BCL2L13: variants seen among roughly 807,000 people sequenced by gnomAD.
The protein encoded by BCL2L13 is BCL2 like 13.
In BCL2L13, 13 loss-of-function variants were observed where a neutral mutation model predicts 25.8. The ratio of observed to expected loss-of-function variants is 0.50; its 90% CI spans 0.33 to 0.80. The LOEUF is 0.80. Among genes scored for constraint, BCL2L13 ranks in the 30% least tolerant of loss-of-function variants. The pLI is 0.02. For missense variants in BCL2L13, 504 were observed against 574.9 expected (o/e 0.88, Z 1.26); for synonymous variants, 244 against 230.3 (o/e 1.06, Z -0.54).
At chr22:17,652,537 C>T (rs2058722478) in intron 1 of BCL2L13, among the ~76,000 whole-genome samples, 1 of 152,070 alleles carries the variant, frequency 6.6e-6, no homozygotes. Context: ...CTCCTGGGTT[C>T]AAGCAATTCT....
At chr22:17,705,384 G>A (rs1222739417) in intron 6 of BCL2L13, among the ~76,000 whole-genome samples, 1 of 148,646 alleles carries the variant, frequency 6.7e-6, no homozygotes, top group Non-Finnish European at 1.5e-5. Context: ...TGCAAGCTCC[G>A]CCTCCCAGGT....
rs2059296720 is a variant in BCL2L13 at position 17,668,179 on chromosome 22, T to G, written c.121+12347T>G. On this transcript the variant is annotated intron_variant, in intron 2 of 6. Coordinates refer to ENST00000317582, the MANE Select transcript of BCL2L13 (RefSeq NM_015367.4). ...GCGCACACCACGATGCCAGGCTAATTTTTTGTGTTTTTAGTAGAGATGGGG... is the reference window on the plus strand; with the variant it reads ...GCGCACACCACGATGCCAGGCTAATGTTTTGTGTTTTTAGTAGAGATGGGG... Among the ~76,000 whole-genome samples the G allele has an allele frequency of 2.7e-5, 4 of 150,558 alleles. No individual in the cohort carries two copies. The South Asian group carries it at 6.3e-4, about 24-fold the overall frequency.
chr22:17,715,146 ATATATATATATATATATATATATATTTTT>A (rs1269284248), intron 6 of BCL2L13, among the ~76,000 whole-genome samples: 167 of 8,148 alleles, frequency 0.02, 3 homozygotes, highest in Non-Finnish European at 0.027. Context: ...ATATATATAT[ATATATATATATATATATATATATATTTTT>A]TTTTTTTTTT....
chr22:17,655,798 G>A lies in BCL2L13; in HGVS notation c.87G>A (p.Glu29=). The change falls in exon 2 of 7, where the codon GAG becomes GAA. Residue 29 remains glutamate, a synonymous_variant. Coordinates refer to ENST00000317582, the MANE Select transcript of BCL2L13 (RefSeq NM_015367.4). ...GCTACTTGGGACTCCTCTCTCAAGA[G>A]AAGCTGCAAGAGCAACATCTTTCCT... The part of the protein sequence containing the change: ...VLSYLGLLSQ[E]KLQEQHLSSP... The A allele has an allele frequency of 6.2e-7, 1 of 1,613,748 alleles. No homozygotes were observed. Among genetic ancestry groups the A allele is most frequent in the South Asian group, 1.1e-5 (1 of 91,008 alleles).
chr22:17,653,389 G>A (rs1380384528), intron 1 of BCL2L13, among the ~76,000 whole-genome samples: 1 of 151,356 alleles, frequency 6.6e-6, no homozygotes, highest in Non-Finnish European at 1.5e-5. Flanking sequence ...CTGTTCCTAT[G>A]CTAGTTCATG....
chr22:17,696,633 C>T (rs5992095), intron 5 of BCL2L13, among the ~76,000 whole-genome samples: 27,190 of 152,026 alleles, frequency 0.18, 3,252 homozygotes, highest in African/African-American at 0.33. Flanking sequence ...GTGTCACATA[C>T]CATTTGAGCA....
At chr22:17,631,795 C>T (rs1462065140) in intron 1 of BCL2L13, among the ~76,000 whole-genome samples, 3 of 140,066 alleles carry the variant, frequency 2.1e-5, no homozygotes, top group Non-Finnish European at 3.0e-5. Context: ...AGTCTCAGCT[C>T]ACTGCAACTT....
In BCL2L13 at chr22:17,642,156, G is replaced by A. The variant is rs189588666; in HGVS notation, c.-51+3270G>A. Among the ~76,000 whole-genome samples the A allele has an allele frequency of 5.3e-3, 711 of 135,016 alleles. 4 individuals are homozygous for A. The highest frequency in any genetic ancestry group is 0.011 in the South Asian group (47 of 4,238). The allele number at this position is 135,016 out of a possible 152,430, so 88.6% of individuals were successfully genotyped here. On this transcript the variant is annotated intron_variant, in intron 1 of 6. Coordinates refer to ENST00000317582, the MANE Select transcript of BCL2L13 (RefSeq NM_015367.4). The stretch of plus-strand genomic sequence containing the variant: ...TTTTTTTTTTTTTTTTTTTTGAGAC[G>A]GAGTCTCACTGTCGCCAGGCTGGAG...
intron 1 of BCL2L13, among the ~76,000 whole-genome samples, chr22:17,654,373 G>A (rs556224692): frequency 6.6e-6 from 1 of 151,842 alleles, no homozygotes; most frequent in South Asian, 2.1e-4. Flanking sequence ...AAAGTGCTGG[G>A]ATTATGGGTA....
chr22:17,713,288 G>A (rs1261617006), intron 6 of BCL2L13, among the ~76,000 whole-genome samples: 3 of 152,074 alleles, frequency 2.0e-5, no homozygotes, highest in Non-Finnish European at 4.4e-5. Context: ...GTACGTACTA[G>A]TTAAACACAC....
At chr22:17,704,524 C>G (rs2145722753) in intron 6 of BCL2L13, among the ~76,000 whole-genome samples, 1 of 151,842 alleles carries the variant, frequency 6.6e-6, no homozygotes, top group East Asian at 2.0e-4. Flanking sequence ...GCCTATAATC[C>G]CAGCACTTTG....
chr22:17,678,631 G>C (rs1016484753), intron 2 of BCL2L13, among the ~76,000 whole-genome samples: 1 of 152,150 alleles, frequency 6.6e-6, no homozygotes, highest in Non-Finnish European at 1.5e-5. Flanking sequence ...GAAATTAAAT[G>C]AAATAACACA....
chr22:17,696,252 G>A (rs1255720632), intron 5 of BCL2L13, 42 bp downstream of exon 5: 1 of 1,504,770 alleles, frequency 6.6e-7, no homozygotes, highest in Non-Finnish European at 9.2e-7. Flanking sequence ...ATTTTAGTGT[G>A]TTAATGATAA....
chr22:17,673,979 AT>A (rs949627358), intron 2 of BCL2L13, among the ~76,000 whole-genome samples: 38 of 152,214 alleles, frequency 2.5e-4, no homozygotes, highest in African/African-American at 9.1e-4. Context: ...GTATTTGAAT[AT>A]TTTTTTAGTC....
chr22:17,717,628 T>C (rs1338829261), intron 6 of BCL2L13, among the ~76,000 whole-genome samples: 1 of 152,168 alleles, frequency 6.6e-6, no homozygotes, highest in Non-Finnish European at 1.5e-5. Context: ...AGGTAGAGAT[T>C]GTTTTATTAC....
intron 1 of BCL2L13, among the ~76,000 whole-genome samples, chr22:17,631,668 G>A (rs368426778): frequency 0.12 from 2,607 of 21,574 alleles, 256 homozygotes; most frequent in African/African-American, 0.28. Context: ...ATGTGTGTGT[G>A]TGTATATATA....
intron 3 of BCL2L13, 114 bp downstream of exon 3, chr22:17,683,435 A>G (rs1010402517): frequency 3.3e-6 from 2 of 605,524 alleles, no homozygotes; most frequent in Non-Finnish European, 2.9e-6. Flanking sequence ...AACTTACACC[A>G]ATTATACATT....
chr22:17,697,900 C>G (rs556939021), intron 5 of BCL2L13, among the ~76,000 whole-genome samples: 12 of 152,244 alleles, frequency 7.9e-5, no homozygotes, highest in African/African-American at 2.6e-4. Context: ...TTGATCTTGG[C>G]TCACTGCAAC....
Position 17,729,163 on chromosome 22 carries a change from C to G in BCL2L13, c.*1629C>G, listed in dbSNP as rs893113726. 5 of 152,294 alleles carry G rather than the reference C, an allele frequency of 3.3e-5. No homozygotes were observed. The South Asian group carries it at 1.0e-3, about 32-fold the overall frequency. The allele number at this position is 152,294 out of a possible 1,614,324, so 9.4% of individuals were successfully genotyped here. A position where few individuals can be genotyped will look rare whatever the true frequency, so the allele number is the denominator to read the frequency against. On this transcript the variant is annotated 3_prime_UTR_variant, in exon 7 of 7. Transcript: ENST00000317582. ...AAACCTGATGTTTTAAATGTGCTTT[C>G]TTTTTGAAATTTATGTTTTCAAATA...
Sources: allele counts gnomAD v4.1 joint callset (sites outside exome capture counted in the v4.1 genomes callset), GRCh38; gene constraint gnomAD v4.1.1; transcripts MANE v1.5; gene names NCBI Gene and HGNC (gene_info 2026-07-23, HGNC 2026-07-21).